Variants in TMEM63C observed in about 807,000 individuals in gnomAD.
The protein encoded by TMEM63C is transmembrane protein 63C, also known as osmosensitive cation channel TMEM63C.
Under a neutral mutation model 99.2 loss-of-function variants are expected in TMEM63C, and 32 were observed. That is an observed-to-expected ratio of 0.32 (90% confidence interval 0.24 to 0.43). The LOEUF is 0.43. TMEM63C is among the 20% of genes least tolerant of loss of function. The probability of loss-of-function intolerance (pLI) is 1.00; values close to 1 mark genes in which losing one functional copy is unlikely to be tolerated. For synonymous variants in TMEM63C, 376 were observed against 397.9 expected (o/e 0.94, Z 0.66); for missense variants, 826 against 1,053.0 (o/e 0.78, Z 2.98).
intron 1 of TMEM63C, among the ~76,000 whole-genome samples, chr14:77,184,549 A>G (rs1887966192): frequency 6.6e-6 from 1 of 152,086 alleles, no homozygotes; most frequent in Admixed American, 6.5e-5. Flanking sequence ...GTTTGCAGGA[A>G]CCCACGTGGT....
At chr14:77,210,833 AG>A (rs1888483281) in intron 1 of TMEM63C, among the ~76,000 whole-genome samples, 1 of 151,860 alleles carries the variant, frequency 6.6e-6, no homozygotes, top group Non-Finnish European at 1.5e-5. Flanking sequence ...CTAAATGGCA[AG>A]GGGGCAGGGT....
chr14:77,254,653 T>C (rs1889431013), intron 23 of TMEM63C, among the ~76,000 whole-genome samples: 1 of 152,170 alleles, frequency 6.6e-6, no homozygotes, highest in East Asian at 1.9e-4. Flanking sequence ...GTTCCGTCAA[T>C]ATAGAGTCCA....
At chr14:77,202,969 C>T (rs947419154) in intron 1 of TMEM63C, among the ~76,000 whole-genome samples, 1 of 152,190 alleles carries the variant, frequency 6.6e-6, no homozygotes, top group African/African-American at 2.4e-5. Flanking sequence ...GTGTCCAGCA[C>T]TGAGAAGCCC....
rs765958173 is a variant in TMEM63C, at chr14:77,256,918, G to A, written c.*192G>A. ...CTGCTGCCCGGCTGGAACTGGGGGT[G>A]CTCGGCAGTGCTGAAGGAGCCTGGG... On this transcript the variant is annotated 3_prime_UTR_variant, in exon 24 of 24. Coordinates refer to ENST00000298351, the MANE Select transcript of TMEM63C (RefSeq NM_020431.4). 10 of 596,932 alleles carry A rather than the reference G, an allele frequency of 1.7e-5. No homozygotes were observed. Among genetic ancestry groups the A allele is most frequent in the Non-Finnish European group, 2.4e-5 (8 of 338,440 alleles). The allele number at this position is 596,932 out of a possible 1,614,324, so 37.0% of individuals were successfully genotyped here. A position where few individuals can be genotyped will look rare whatever the true frequency, so the allele number is the denominator to read the frequency against.
chr14:77,202,869 A>G lies in TMEM63C; in HGVS notation c.-76-10577A>G, dbSNP rs578233945. ...CACACACACACACACACACACACGC[A>G]CACACACCCCTCTACCTGGCACATG... On this transcript the variant is annotated intron_variant, in intron 1 of 23. Coordinates refer to ENST00000298351, the MANE Select transcript of TMEM63C (RefSeq NM_020431.4). Among the ~76,000 whole-genome samples, 23 of 119,554 alleles carry G rather than the reference A, an allele frequency of 1.9e-4. No individual in the cohort carries two copies. In the East Asian group the frequency reaches 4.6e-3, roughly 24 times the overall value. The allele number at this position is 119,554 out of a possible 152,430, so 78.4% of individuals were successfully genotyped here.
At chr14:77,209,772 C>G (rs989247719) in intron 1 of TMEM63C, among the ~76,000 whole-genome samples, 6 of 152,002 alleles carry the variant, frequency 3.9e-5, no homozygotes, top group African/African-American at 1.5e-4. Flanking sequence ...AGGGGTGGGG[C>G]AAGCAACTCT....
At chr14:77,233,646 C>A in intron 8 of TMEM63C, 146 bp downstream of exon 8, 1 of 788,548 alleles carries the variant, frequency 1.3e-6, no homozygotes, top group Non-Finnish European at 2.1e-6. Flanking sequence ...GAGTGAGATG[C>A]CAGAAGCTGC....
chr14:77,235,078 G>A (rs555044299), intron 8 of TMEM63C, among the ~76,000 whole-genome samples: 2 of 152,256 alleles, frequency 1.3e-5, no homozygotes, highest in East Asian at 3.9e-4. Flanking sequence ...TATGTGTGTG[G>A]TTGAGTCTAG....
intron 1 of TMEM63C, among the ~76,000 whole-genome samples, chr14:77,210,152 A>C (rs1424516215): frequency 6.6e-6 from 1 of 152,112 alleles, no homozygotes; most frequent in African/African-American, 2.4e-5. Flanking sequence ...TGGAAATCTC[A>C]GTCTGGTGCT....
rs763369004 is a variant in TMEM63C at position 77,249,296 on chromosome 14, C to T, written c.1876C>T (p.Leu626Phe). ...TCPIIVPFGLLYLCMKHLTDR... is the reference protein window; with the variant it reads ...TCPIIVPFGLFYLCMKHLTDR... The stretch of plus-strand genomic sequence containing the variant: ...TTTCCACCTTTGTCCCCCAGGGTTG[C>T]TCTACCTGTGCATGAAGCACTTGAC... Residue 626 changes from leucine (L) to phenylalanine (F), a missense_variant, in exon 21 of 24, where the codon CTC becomes TTC. Transcript: ENST00000298351. 2 of 1,613,836 alleles carry T rather than the reference C, an allele frequency of 1.2e-6. No individual in the cohort carries two copies. The highest frequency in any genetic ancestry group is 1.3e-5 in the African/African-American group (1 of 74,918).
At chr14:77,208,099 T>A (rs542395272) in intron 1 of TMEM63C, among the ~76,000 whole-genome samples, 36 of 152,312 alleles carry the variant, frequency 2.4e-4, no homozygotes, top group Admixed American at 1.2e-3. Flanking sequence ...AGAACCTGCC[T>A]GGTCTTTGTA....
At chr14:77,195,203 C>T (rs555364863) in intron 1 of TMEM63C, among the ~76,000 whole-genome samples, 1 of 152,168 alleles carries the variant, frequency 6.6e-6, no homozygotes, top group East Asian at 1.9e-4. Flanking sequence ...GTGGGTTCAC[C>T]TCTCCTTGCA....
chr14:77,251,896 G>A lies in TMEM63C; in HGVS notation c.2146G>A (p.Glu716Lys), dbSNP rs368565249. 6.9e-5 allele frequency: 111 copies of A among 1,611,720 alleles called. No homozygotes were observed. The highest frequency in any genetic ancestry group is 1.6e-4 in the Middle Eastern group (1 of 6,082). The change falls in exon 22 of 24, where the codon GAG becomes AAG. Residue 716 changes from glutamate (E) to lysine (K), a missense_variant and splice_region_variant. By Grantham distance (56) the Glu-to-Lys change is moderately conservative. Transcript: ENST00000298351. ...LGKLRMVADY[E>K]PEEEEIQTVF... ...GAAGCTTCGGATGGTTGCCGACTAC[G>A]AGGTGAGTTGCCAGCCTGCCCCTCC...
chr14:77,220,015 G>A lies in TMEM63C; in HGVS notation c.240G>A (p.Ser80=), dbSNP rs116433928. ...CTTCCCTGGCTGGCAGCCTGACCTC[G>A]CTGATCTATGGGGAGCAGAGCGAGA... The part of the protein sequence containing the change: ...ALLIHNDSLT[S]LIYGEQSEKT... Residue 80 remains serine, a synonymous_variant, in exon 5 of 24, where the codon TCG becomes TCA. Transcript: ENST00000298351. The A allele has an allele frequency of 4.4e-3, 6,787 of 1,558,920 alleles. 251 individuals carry two copies. In the African/African-American group the frequency reaches 0.083, roughly 19 times the overall value.
intron 10 of TMEM63C, among the ~76,000 whole-genome samples, 167 bp from the exon 11 acceptor site, chr14:77,239,245 G>C (rs900243805): frequency 2.0e-5 from 3 of 152,220 alleles, no homozygotes; most frequent in Non-Finnish European, 4.4e-5. Context: ...AGATTGCCAA[G>C]GTTCAAACCC....
chr14:77,230,722 G>A (rs1488741387), intron 6 of TMEM63C, among the ~76,000 whole-genome samples: 1 of 151,764 alleles, frequency 6.6e-6, no homozygotes, highest in Non-Finnish European at 1.5e-5. Flanking sequence ...AAAATTATCT[G>A]CCCCCCCACC....
At position 77,256,922 on chromosome 14, in the gene TMEM63C, G is replaced by A. The variant is rs976305349; in HGVS notation, c.*196G>A. ...TGCCCGGCTGGAACTGGGGGTGCTC[G>A]GCAGTGCTGAAGGAGCCTGGGAAGG... is the stretch of plus-strand genomic sequence containing the variant. On this transcript the variant is annotated 3_prime_UTR_variant, in exon 24 of 24. Transcript: ENST00000298351. The A allele has an allele frequency of 1.8e-5, 11 of 597,316 alleles. No homozygotes were observed. Among genetic ancestry groups the A allele is most frequent in the Admixed American group, 1.8e-4 (6 of 33,376 alleles). 37.0% of individuals were successfully genotyped at this position (597,316 alleles called of 1,614,324 possible).
chr14:77,237,970 G>A (rs373439397), intron 9 of TMEM63C, among the ~76,000 whole-genome samples: 45 of 152,216 alleles, frequency 3.0e-4, no homozygotes, highest in African/African-American at 1.0e-3. Flanking sequence ...CCTGAAAAGT[G>A]AACCCAAATG....
rs1174602930 is a variant in TMEM63C at position 77,239,601 on chromosome 14, A to G, written c.807-2A>G. Reference sequence around the variant, plus strand: ...CCTTCTCCTGTTGCCCACCGCTGGCAGGCGCCATGCCATGCGGGGCCGGCT... The same window carrying G: ...CCTTCTCCTGTTGCCCACCGCTGGCGGGCGCCATGCCATGCGGGGCCGGCT... On this transcript the variant is annotated splice_acceptor_variant, in intron 11 of 23. Coordinates refer to ENST00000298351, the MANE Select transcript of TMEM63C (RefSeq NM_020431.4). LOFTEE classifies it high-confidence loss of function. The G allele has an allele frequency of 6.2e-7, 1 of 1,613,388 alleles. No individual in the cohort carries two copies.
Sources: allele counts gnomAD v4.1 joint callset (sites outside exome capture counted in the v4.1 genomes callset), GRCh38; gene constraint gnomAD v4.1.1; transcripts MANE v1.5; gene names NCBI Gene and HGNC (gene_info 2026-07-23, HGNC 2026-07-21).